The following SPIRE1 variants were observed in gnomAD, a reference collection of about 807,000 sequenced individuals.
SPIRE1 encodes protein spire homolog 1.
In SPIRE1, 40 loss-of-function variants were observed where a neutral mutation model predicts 94.1. That is an observed-to-expected ratio of 0.43 (90% CI 0.33 to 0.55). The LOEUF (loss-of-function observed/expected upper bound fraction) is 0.55, where lower values mean the gene tolerates loss of function less well. SPIRE1 is among the 20% of genes least tolerant of loss of function. SPIRE1 has a pLI of 0.06. For synonymous variants in SPIRE1, 376 were observed against 371.7 expected (o/e 1.01, Z -0.13); for missense variants, 838 against 975.2 (o/e 0.86, Z 1.87).
intron 1 of SPIRE1, among the ~76,000 whole-genome samples, chr18:12,636,173 G>A (rs147268809): frequency 2.0e-5 from 3 of 152,134 alleles, no homozygotes; most frequent in African/African-American, 4.8e-5. Flanking sequence ...GATTACAGGC[G>A]TGAGCCACCA....
At chr18:12,569,263 A>T (rs1402795307) in intron 2 of SPIRE1, among the ~76,000 whole-genome samples, 1 of 151,726 alleles carries the variant, frequency 6.6e-6, no homozygotes, top group Non-Finnish European at 1.5e-5. Flanking sequence ...GAATGGCGTG[A>T]ACCTGGGAGG....
At chr18:12,636,801 T>A (rs1297827521) in intron 1 of SPIRE1, among the ~76,000 whole-genome samples, 2 of 152,266 alleles carry the variant, frequency 1.3e-5, no homozygotes, top group Admixed American at 1.3e-4. Flanking sequence ...TCAACAGTGA[T>A]TTATAACATA....
chr18:12,572,523 G>A (rs779042185), intron 2 of SPIRE1, among the ~76,000 whole-genome samples: 1 of 152,040 alleles, frequency 6.6e-6, no homozygotes, highest in Admixed American at 6.6e-5. Context: ...GAGGCAAGAG[G>A]ATCGCTTGAG....
chr18:12,638,182 C>T (rs1303014927), intron 1 of SPIRE1, among the ~76,000 whole-genome samples: 2 of 152,088 alleles, frequency 1.3e-5, no homozygotes, highest in Non-Finnish European at 2.9e-5. Context: ...TGGTGTCTTG[C>T]GCCTGTAATC....
chr18:12,573,941 G>A (rs1367495791), intron 2 of SPIRE1, among the ~76,000 whole-genome samples: 2 of 151,942 alleles, frequency 1.3e-5, no homozygotes, highest in South Asian at 2.1e-4. Flanking sequence ...GGGTTTCACC[G>A]TGTTAGCCAG....
intron 10 of SPIRE1, among the ~76,000 whole-genome samples, chr18:12,470,984 C>G (rs1271598643): frequency 6.6e-6 from 1 of 151,302 alleles, no homozygotes; most frequent in African/African-American, 2.4e-5. Context: ...ACTCACTTAA[C>G]AGGAATGGAA....
At chr18:12,572,608 C>T (rs537056955) in intron 2 of SPIRE1, among the ~76,000 whole-genome samples, 469 of 151,904 alleles carry the variant, frequency 3.1e-3, no homozygotes, top group Non-Finnish European at 5.3e-3. Flanking sequence ...GACCCTGTCT[C>T]GAAAACAAAA....
At chr18:12,463,276 T>C in intron 12 of SPIRE1, 75 bp downstream of exon 12, 2 of 1,381,078 alleles carry the variant, frequency 1.4e-6, no homozygotes, top group Non-Finnish European at 9.6e-7. Context: ...CTCCTTATCA[T>C]CTTCATAAGA....
rs139798288 is a variant in SPIRE1, at chr18:12,629,472, G to A, written c.372+5590C>T. On this transcript the variant is annotated intron_variant, in intron 2 of 16. Transcript: ENST00000409402. ...TGACAGGCAAGCGCCTACGAGTACA[G>A]GTTAGTCATTCAAGAGTTTATAAAT... Among the ~76,000 whole-genome samples, 132 of 152,316 alleles carry A rather than the reference G, an allele frequency of 8.7e-4. 1 individual carries two copies. The highest frequency in any genetic ancestry group is 3.1e-3 in the African/African-American group (127 of 41,566).
intron 2 of SPIRE1, among the ~76,000 whole-genome samples, chr18:12,583,057 A>G (rs2036299389): frequency 6.6e-6 from 1 of 152,214 alleles, no homozygotes; most frequent in Non-Finnish European, 1.5e-5. Flanking sequence ...CTTGATACTG[A>G]CATATGTGAT....
At chr18:12,521,616 G>A (rs2034361628) in intron 4 of SPIRE1, among the ~76,000 whole-genome samples, 1 of 152,128 alleles carries the variant, frequency 6.6e-6, no homozygotes, top group Non-Finnish European at 1.5e-5. Context: ...TTACAGATGT[G>A]AGCCACCCCA....
At chr18:12,541,467 G>A (rs986760211) in intron 3 of SPIRE1, among the ~76,000 whole-genome samples, 5 of 152,178 alleles carry the variant, frequency 3.3e-5, no homozygotes, top group African/African-American at 1.2e-4. Flanking sequence ...TTGTTTGAAT[G>A]TTGTTCAATG....
At chr18:12,582,873 G>A (rs1324725673) in intron 2 of SPIRE1, among the ~76,000 whole-genome samples, 1 of 152,174 alleles carries the variant, frequency 6.6e-6, no homozygotes, top group African/African-American at 2.4e-5. Context: ...TGCTGGGGGT[G>A]TACTGGGGAA....
At chr18:12,456,220 C>CA (rs1456634143) in intron 12 of SPIRE1, among the ~76,000 whole-genome samples, 1 of 152,190 alleles carries the variant, frequency 6.6e-6, no homozygotes, top group Non-Finnish European at 1.5e-5. Context: ...GAACTACTTT[C>CA]AGAGATGACA....
intron 1 of SPIRE1, among the ~76,000 whole-genome samples, chr18:12,642,419 T>TG (rs1222420547): frequency 6.6e-6 from 1 of 152,152 alleles, no homozygotes; most frequent in African/African-American, 2.4e-5. Context: ...TCAAAAAAAA[T>TG]GACAGCCTTG....
At chr18:12,641,741 A>G (rs1305249120) in intron 1 of SPIRE1, among the ~76,000 whole-genome samples, 1 of 152,138 alleles carries the variant, frequency 6.6e-6, no homozygotes, top group East Asian at 1.9e-4. Context: ...AAGTTAGGAC[A>G]GTGAAACTAC....
At chr18:12,646,346 A>G (rs1331386045) in intron 1 of SPIRE1, among the ~76,000 whole-genome samples, 1 of 152,126 alleles carries the variant, frequency 6.6e-6, no homozygotes, top group Non-Finnish European at 1.5e-5. Context: ...TTATTATTTT[A>G]AAATTATTGC....
intron 2 of SPIRE1, among the ~76,000 whole-genome samples, chr18:12,554,117 G>A (rs561132410): frequency 6.6e-6 from 1 of 152,122 alleles, no homozygotes; most frequent in Non-Finnish European, 1.5e-5. Flanking sequence ...TAGCCAAGAT[G>A]GTGAAACCCC....
rs762032609 is a variant in SPIRE1 at position 12,452,380 on chromosome 18, G to A, written c.1887C>T (p.Pro629=). 1.2e-6 allele frequency: 2 copies of A among 1,614,182 alleles called. No individual in the cohort carries two copies. Among genetic ancestry groups the A allele is most frequent in the South Asian group, 1.1e-5 (1 of 91,084 alleles). ...TAGGAAGAGTGGAGTATGGTTTGGA[G>A]GGCAGCCGCATCTATTATCCCAAAT... The part of the protein sequence containing the change: ...CSQCCKKMRL[P]SKPYSTLPIF... Residue 629 remains proline, a synonymous_variant, in exon 16 of 17, where the codon CCC becomes CCT. Transcript: ENST00000409402.
Sources: allele counts gnomAD v4.1 joint callset (sites outside exome capture counted in the v4.1 genomes callset), GRCh38; gene constraint gnomAD v4.1.1; transcripts MANE v1.5; gene names NCBI Gene and HGNC (gene_info 2026-07-23, HGNC 2026-07-21).